The following ZNF106 variants were observed in gnomAD, a reference collection of about 807,000 sequenced individuals.
ZNF106 encodes zinc finger protein 106.
A neutral mutation model predicts 195.1 loss-of-function variants in ZNF106; 67 were observed. The observed-to-expected ratio is 0.34, with a 90% confidence interval of 0.28 to 0.42. ZNF106 has a LOEUF of 0.42. Among genes scored for constraint, ZNF106 ranks in the 10% least tolerant of loss-of-function variants. ZNF106 has a pLI of 1.00. For missense variants in ZNF106, 2,118 were observed against 2,304.5 expected, an observed-to-expected ratio of 0.92 and a Z score of 1.66; for synonymous variants, 784 against 818.6, an observed-to-expected ratio of 0.96 and a Z score of 0.72.
rs1415990809 is a variant in ZNF106 at position 42,450,856 on chromosome 15, T to C, written c.1416A>G (p.Ser472=). 1 of 1,614,218 alleles carries C rather than the reference T, an allele frequency of 6.2e-7. No individual in the cohort carries two copies. Among genetic ancestry groups the C allele is most frequent in the Admixed American group, 1.7e-5 (1 of 60,018 alleles). ...EQEHTPNKMP[S]LKSPLLPCPA... ...GACATGGAAGGAGTGGGGATTTCAA[T>C]GATGGCATTTTATTTGGTGTATGCT... Residue 472 remains serine (S), a synonymous_variant, in exon 5 of 22, where the codon TCA becomes TCG. Transcript: ENST00000564754.
rs375929240 is a variant in ZNF106, at chr15:42,450,145, A to G, written c.2127T>C (p.His709=). The change falls in exon 5 of 22, where the codon CAT becomes CAC. Residue 709 remains histidine (H), a synonymous_variant. Transcript: ENST00000564754. ...DAQVDDSIKS[H]VSYETEGFES... is the part of the protein sequence containing the mutation. ...CAAAGCCTTCTGTTTCATAAGATAC[A>G]TGAGATTTAATAGAGTCATCAACCT... 3 of 1,614,226 alleles carry G rather than the reference A, an allele frequency of 1.9e-6. No individual in the cohort carries two copies. Among genetic ancestry groups the G allele is most frequent in the South Asian group, 1.1e-5 (1 of 91,086 alleles).
At chr15:42,476,796 T>C (rs2056794014) in intron 1 of ZNF106, among the ~76,000 whole-genome samples, 1 of 152,148 alleles carries the variant, frequency 6.6e-6, no homozygotes, top group Non-Finnish European at 1.5e-5. Context: ...TAAGTGGACC[T>C]GCGAACCGCA....
At chr15:42,420,176 T>C (rs1339345877) in intron 20 of ZNF106, among the ~76,000 whole-genome samples, 13 of 152,170 alleles carry the variant, frequency 8.5e-5, no homozygotes, top group Non-Finnish European at 1.9e-4. Context: ...AAAATATTAA[T>C]TGGAAAATTC....
rs142909023 is a variant in ZNF106, at chr15:42,442,225, G to C, written c.3611C>G (p.Ser1204Cys). The C allele has an allele frequency of 1.1e-3, 1,814 of 1,614,182 alleles. 15 individuals carry two copies. In the African/African-American group the frequency reaches 0.022, roughly 19 times the overall value. The change falls in exon 10 of 22, where the codon TCT (serine) becomes TGT (cysteine). Residue 1204 changes from serine to cysteine, a missense_variant. Ser to Cys is a moderately radical substitution (Grantham distance 112, BLOSUM62 -1). Transcript: ENST00000564754. ...ACTGCCATGGGTTTGGAAAGTAGGA[G>C]ACGTGGTTATTTGAAGAGAGGCTCC... ...PTGASLQITT[S>C]PTFQTHGSVP...
intron 2 of ZNF106, among the ~76,000 whole-genome samples, chr15:42,471,916 T>C (rs2141422251): frequency 6.6e-6 from 1 of 152,344 alleles, no homozygotes. Flanking sequence ...GAAAGCAGTA[T>C]GACTTCAAAT....
intron 3 of ZNF106, among the ~76,000 whole-genome samples, chr15:42,458,228 C>T (rs2056295757): frequency 6.6e-6 from 1 of 152,056 alleles, no homozygotes; most frequent in African/African-American, 2.4e-5. Context: ...CCCAAAAGGA[C>T]ATGCCGTCTT....
At chr15:42,480,942 G>A (rs577211329) in intron 1 of ZNF106, among the ~76,000 whole-genome samples, 8 of 152,132 alleles carry the variant, frequency 5.3e-5, no homozygotes, top group South Asian at 2.1e-4. Context: ...CAGAGATAGC[G>A]CCACTGCACT....
At chr15:42,419,446 G>A (rs1198346417) in intron 20 of ZNF106, among the ~76,000 whole-genome samples, 3 of 152,286 alleles carry the variant, frequency 2.0e-5, no homozygotes, top group East Asian at 3.9e-4. Context: ...GGAGGCCGAG[G>A]TAGGGTGATT....
At chr15:42,473,782 A>G (rs1205774037) in intron 1 of ZNF106, among the ~76,000 whole-genome samples, 1 of 152,184 alleles carries the variant, frequency 6.6e-6, no homozygotes. Flanking sequence ...TGATCTTGCC[A>G]CCATCCATGA....
intron 1 of ZNF106, among the ~76,000 whole-genome samples, chr15:42,479,734 C>T (rs1405296100): frequency 1.3e-5 from 2 of 150,724 alleles, no homozygotes; most frequent in African/African-American, 2.4e-5. Flanking sequence ...CCCAGCTACT[C>T]GGGAGGCTGA....
At chr15:42,439,840 C>T (rs1452490058) in intron 10 of ZNF106, 27 bp from the exon 11 acceptor site, 1 of 1,494,906 alleles carries the variant, frequency 6.7e-7, no homozygotes, top group South Asian at 1.4e-5. Flanking sequence ...AAAATTATTG[C>T]ATCCTTTTTT....
At position 42,439,676 on chromosome 15, in the gene ZNF106, T is replaced by G; in HGVS notation, c.3901A>C (p.Asn1301His). ...VEQRNTRNRE[N>H]SPSSQSAGLS... ...CCAGCTGATTGGGAAGAGGGAGAGT[T>G]TTCTCTGTTTCTGGTATTTCTTTGC... The change falls in exon 11 of 22, where the codon AAC becomes CAC. Residue 1301 changes from asparagine (N) to histidine (H), a missense_variant. Physicochemically the swap from Asn to His is moderately conservative, Grantham distance 68. Transcript: ENST00000564754. 6.2e-7 allele frequency: 1 copy of G among 1,613,980 alleles called. No individual in the cohort carries two copies.
chr15:42,448,751 T>A (rs528432467), intron 5 of ZNF106, 46 bp from the exon 6 acceptor site: 9 of 1,533,068 alleles, frequency 5.9e-6, no homozygotes, highest in Non-Finnish European at 7.8e-6. Context: ...GATATGGTTG[T>A]TGGGAGGGGC....
At chr15:42,457,233 T>G (rs749490075) in intron 3 of ZNF106, 75 bp from the exon 4 acceptor site, 4 of 1,609,416 alleles carry the variant, frequency 2.5e-6, no homozygotes, top group Non-Finnish European at 3.4e-6. Flanking sequence ...TGTTATTGTT[T>G]CCTCTGAAGG....
intron 14 of ZNF106, 98 bp downstream of exon 14, chr15:42,435,285 TG>T: frequency 6.6e-7 from 1 of 1,505,928 alleles, no homozygotes; most frequent in Non-Finnish European, 9.1e-7. Context: ...AAGGAGATGG[TG>T]GGTAGAATGA....
At chr15:42,472,417 C>T (rs1303206707) in intron 1 of ZNF106, 96 bp from the exon 2 acceptor site, 1 of 849,102 alleles carries the variant, frequency 1.2e-6, no homozygotes, top group Non-Finnish European at 1.8e-6. Context: ...ATCTTCCTCA[C>T]CTCCACCTTG....
intron 13 of ZNF106, among the ~76,000 whole-genome samples, chr15:42,436,339 C>T (rs1016553988): frequency 6.6e-6 from 1 of 152,180 alleles, no homozygotes; most frequent in African/African-American, 2.4e-5. Context: ...TATACATACA[C>T]ATACATATTT....
In ZNF106 at chr15:42,451,093, G is replaced by A; in HGVS notation, c.1179C>T (p.Asn393=). Residue 393 remains asparagine (N), a synonymous_variant, in exon 5 of 22, where the codon AAC becomes AAT. Transcript: ENST00000564754. ...GAGGTTTCTCTATCATTTCTGACTT[G>A]TTACCAGTGATGTCTTTCAATCCCG... ...LQSGLKDITG[N]KSEMIEKPLF... is the part of the protein sequence containing the mutation. 3 of 1,614,180 alleles carry A rather than the reference G, an allele frequency of 1.9e-6. No individual in the cohort carries two copies. The South Asian group carries it at 3.3e-5, about 18-fold the overall frequency.
At chr15:42,432,315 C>A (rs562245613) in intron 14 of ZNF106, among the ~76,000 whole-genome samples, 1 of 152,046 alleles carries the variant, frequency 6.6e-6, no homozygotes, top group Non-Finnish European at 1.5e-5. Context: ...CATATAACCA[C>A]GCTTGCCTCA....
Sources: allele counts gnomAD v4.1 joint callset (sites outside exome capture counted in the v4.1 genomes callset), GRCh38; gene constraint gnomAD v4.1.1; transcripts MANE v1.5; gene names NCBI Gene and HGNC (gene_info 2026-07-23, HGNC 2026-07-21).